PTPRN2: variants seen among roughly 807,000 people sequenced by gnomAD.
The protein encoded by PTPRN2 is receptor-type tyrosine-protein phosphatase N2.
A neutral mutation model predicts 118.8 loss-of-function variants in PTPRN2; 74 were observed. The observed-to-expected ratio is 0.62, with a 90% CI of 0.52 to 0.76. The LOEUF (loss-of-function observed/expected upper bound fraction) is 0.76, where lower values mean the gene tolerates loss of function less well. PTPRN2 is among the 30% of genes least tolerant of loss of function. PTPRN2 has a pLI of 0.00. For synonymous variants in PTPRN2, 641 were observed against 608.0 expected (o/e 1.05, Z -0.80); for missense variants, 1,481 against 1,394.4 (o/e 1.06, Z -0.99).
chr7:157,701,697 T>G (rs572435387), intron 12 of PTPRN2, among the ~76,000 whole-genome samples: 1 of 152,372 alleles, frequency 6.6e-6, no homozygotes, highest in South Asian at 2.1e-4. Context: ...GTTCTAGGTA[T>G]GAAAGCTTCT....
intron 3 of PTPRN2, among the ~76,000 whole-genome samples, chr7:158,279,544 C>T (rs868762565): frequency 1.1e-4 from 16 of 152,310 alleles, no homozygotes; most frequent in African/African-American, 2.6e-4. Flanking sequence ...TCATGGCCAA[C>T]GACCCAGGGA....
At chr7:158,541,451 C>T (rs752157814) in intron 1 of PTPRN2, 16 of 1,351,672 alleles carry the variant, frequency 1.2e-5, no homozygotes, top group Admixed American at 1.9e-5. Context: ...CCAGACACTG[C>T]CACCGAGGGT....
chr7:158,301,327 C>A (rs111869177), intron 3 of PTPRN2, among the ~76,000 whole-genome samples: 3,483 of 152,316 alleles, frequency 0.023, 127 homozygotes, highest in African/African-American at 0.079. Context: ...TCCTGACACA[C>A]TCCCCTCCTC....
intron 2 of PTPRN2, among the ~76,000 whole-genome samples, chr7:158,344,454 G>T (rs112504310): frequency 2.0e-5 from 3 of 152,280 alleles, no homozygotes; most frequent in Admixed American, 2.0e-4. Flanking sequence ...ATAATTTCCT[G>T]TTAAATTAAC....
At chr7:157,858,081 CGT>C (rs765036473) in intron 12 of PTPRN2, among the ~76,000 whole-genome samples, 7,582 of 116,020 alleles carry the variant, frequency 0.065, 349 homozygotes, top group African/African-American at 0.091. Flanking sequence ...GGGAGAACCC[CGT>C]CACCACCCAC....
intron 12 of PTPRN2, among the ~76,000 whole-genome samples, chr7:157,886,566 G>A (rs540069154): frequency 2.0e-5 from 3 of 152,342 alleles, no homozygotes; most frequent in South Asian, 4.1e-4. Flanking sequence ...CCAGCGCAAC[G>A]TGGAAACCTG....
intron 14 of PTPRN2, among the ~76,000 whole-genome samples, chr7:157,624,006 T>A (rs1163173652): frequency 6.6e-6 from 1 of 152,238 alleles, no homozygotes; most frequent in African/African-American, 2.4e-5. Context: ...GTGGGGAAGC[T>A]AGGCCTTCAT....
chr7:158,554,255 A>C (rs1826839023), intron 1 of PTPRN2, among the ~76,000 whole-genome samples: 1 of 152,128 alleles, frequency 6.6e-6, no homozygotes, highest in South Asian at 2.1e-4. Flanking sequence ...AAAGAGTGAG[A>C]CTCCGTCTCA....
intron 12 of PTPRN2, among the ~76,000 whole-genome samples, chr7:157,758,144 C>T (rs1444809278): frequency 1.3e-5 from 2 of 152,218 alleles, no homozygotes; most frequent in South Asian, 2.1e-4. Flanking sequence ...CTCCCCGTAG[C>T]TCCCGGCGTG....
At chr7:158,179,472 A>G (rs1824507503) in intron 5 of PTPRN2, among the ~76,000 whole-genome samples, 1 of 152,112 alleles carries the variant, frequency 6.6e-6, no homozygotes, top group Non-Finnish European at 1.5e-5. Context: ...TTCTTTTGCT[A>G]TATGAAGCTT....
rs918495634 is a variant in PTPRN2 at position 157,622,639 on chromosome 7, G to A, written c.2197-1130C>T. On this transcript the variant is annotated intron_variant, in intron 14 of 22. Coordinates refer to ENST00000389418, the MANE Select transcript of PTPRN2 (RefSeq NM_002847.5). This position sits in a 1 kb window ranked among gnomAD's most constrained non-coding sequence, Gnocchi z 5.3. ...CAGCAAACACACACCCTGCTGTGCT[G>A]GCCCAGCTCACACGGGAGCAGGTGC... Among the ~76,000 whole-genome samples, 1 of 152,202 alleles carries A rather than the reference G, an allele frequency of 6.6e-6. No individual in the cohort carries two copies. The highest frequency in any genetic ancestry group is 2.4e-5 in the African/African-American group (1 of 41,458).
At chr7:157,696,577 C>T (rs1797786505) in intron 12 of PTPRN2, among the ~76,000 whole-genome samples, 3 of 140,558 alleles carry the variant, frequency 2.1e-5, no homozygotes, top group South Asian at 2.5e-4. Flanking sequence ...AGAGCCCTCA[C>T]CATCTACCCA....
At chr7:157,928,653 G>A (rs1247566550) in intron 11 of PTPRN2, among the ~76,000 whole-genome samples, 8 of 149,762 alleles carry the variant, frequency 5.3e-5, no homozygotes, top group Non-Finnish European at 1.2e-4. Flanking sequence ...AAGCACCAGG[G>A]CTGGGAGTGC....
intron 21 of PTPRN2, among the ~76,000 whole-genome samples, chr7:157,557,550 T>TCCCC (rs1554491370): frequency 8.6e-5 from 2 of 23,270 alleles, no homozygotes; most frequent in African/African-American, 4.2e-4. Flanking sequence ...TCACACACAC[T>TCCCC]CCCACACACA....
intron 2 of PTPRN2, among the ~76,000 whole-genome samples, chr7:158,428,853 G>T (rs1417382907): frequency 6.6e-6 from 1 of 152,168 alleles, no homozygotes; most frequent in Non-Finnish European, 1.5e-5. Flanking sequence ...TATTTTTCAT[G>T]GCAATGGAAA....
At chr7:158,089,692 AG>A (rs1813871876) in intron 10 of PTPRN2, among the ~76,000 whole-genome samples, 1 of 145,312 alleles carries the variant, frequency 6.9e-6, no homozygotes, top group Admixed American at 6.7e-5. Flanking sequence ...CCCTGATGAA[AG>A]AGGGGGTCTT....
chr7:157,963,892 C>T (rs768454555), intron 11 of PTPRN2, among the ~76,000 whole-genome samples: 46 of 152,260 alleles, frequency 3.0e-4, no homozygotes, highest in Admixed American at 5.9e-4. Flanking sequence ...TTTGGACAGA[C>T]GAGTTCTCCC....
intron 11 of PTPRN2, among the ~76,000 whole-genome samples, chr7:157,989,311 C>G (rs576797108): frequency 2.0e-5 from 3 of 152,210 alleles, no homozygotes; most frequent in East Asian, 1.9e-4. Flanking sequence ...CCCAGCTACT[C>G]GAGAGGCTGA....
chr7:158,115,008 T>C (rs796975156), intron 9 of PTPRN2, among the ~76,000 whole-genome samples: 57 of 152,176 alleles, frequency 3.7e-4, no homozygotes, highest in African/African-American at 1.3e-3. Context: ...TGGCGAGCTA[T>C]CAACAGGGCC....
Sources: allele counts gnomAD v4.1 joint callset (sites outside exome capture counted in the v4.1 genomes callset), GRCh38; gene constraint gnomAD v4.1.1; non-coding constraint Gnocchi (gnomAD v3.1); transcripts MANE v1.5; gene names NCBI Gene and HGNC (gene_info 2026-07-23, HGNC 2026-07-21).